The following PRKN variants were observed in gnomAD, a reference collection of about 807,000 sequenced individuals.
PRKN encodes parkin RBR E3 ubiquitin protein ligase.
A neutral mutation model predicts 59.5 loss-of-function variants in PRKN; 56 were observed. The observed-to-expected ratio is 0.94, with a 90% CI of 0.76 to 1.18. PRKN has a LOEUF of 1.18. Ranked by LOEUF, PRKN falls within the 50% of genes most tolerant of loss-of-function variation. PRKN has a pLI of 0.00. For missense variants in PRKN, 657 were observed against 596.4 expected (o/e 1.10, Z -1.06); for synonymous variants, 250 against 222.1 (o/e 1.13, Z -1.12).
intron 9 of PRKN, among the ~76,000 whole-genome samples, chr6:161,392,567 C>T (rs1378529116): frequency 6.6e-6 from 1 of 150,734 alleles, no homozygotes. Flanking sequence ...TCCAGGTAGC[C>T]ATATGGCAAA....
chr6:162,719,829 G>A (rs1778863077), intron 1 of PRKN, among the ~76,000 whole-genome samples: 1 of 148,654 alleles, frequency 6.7e-6, no homozygotes, highest in Non-Finnish European at 1.5e-5. Flanking sequence ...CAGCTTCTGA[G>A]AAAATCAAGG....
At chr6:162,260,585 A>G (rs889021003) in intron 3 of PRKN, among the ~76,000 whole-genome samples, 1 of 152,166 alleles carries the variant, frequency 6.6e-6, no homozygotes, top group Non-Finnish European at 1.5e-5. Flanking sequence ...TCATTCTCAT[A>G]AAAGAAAATT....
At chr6:162,178,267 C>G (rs552674036) in intron 4 of PRKN, among the ~76,000 whole-genome samples, 3 of 152,316 alleles carry the variant, frequency 2.0e-5, no homozygotes, top group African/African-American at 4.8e-5. Flanking sequence ...AGGACTTTCA[C>G]AGAAACAGTT....
intron 3 of PRKN, among the ~76,000 whole-genome samples, chr6:162,223,184 G>C (rs1426591983): frequency 6.6e-6 from 1 of 151,994 alleles, no homozygotes; most frequent in Non-Finnish European, 1.5e-5. Flanking sequence ...CAAAGGACAT[G>C]AACTCATCAT....
chr6:162,152,043 A>C (rs1782294566), intron 4 of PRKN, among the ~76,000 whole-genome samples: 1 of 152,222 alleles, frequency 6.6e-6, no homozygotes, highest in Non-Finnish European at 1.5e-5. Context: ...TAAGGGTCCC[A>C]CATGAGCTTC....
intron 4 of PRKN, among the ~76,000 whole-genome samples, chr6:162,170,000 C>G (rs957352913): frequency 6.6e-6 from 1 of 152,140 alleles, no homozygotes; most frequent in Admixed American, 6.5e-5. Context: ...ATGATTTTAT[C>G]GCATGACTGC....
chr6:161,428,406 C>T lies in PRKN; in HGVS notation c.1084-41529G>A, dbSNP rs141424675. Among the ~76,000 whole-genome samples, 9 of 152,242 alleles carry T rather than the reference C, an allele frequency of 5.9e-5. No individual in the cohort carries two copies. The highest frequency in any genetic ancestry group is 3.9e-4 in the East Asian group (2 of 5,170). ...AGAGTGCAGACAGAAGCCTGCCATC[C>T]GCCGGAGTCTGTGAGCTTCAGGGTC... On this transcript the variant is annotated intron_variant, in intron 9 of 11. Transcript: ENST00000366898. The surrounding 1 kb of genome is among the most constrained non-coding windows in gnomAD (Gnocchi z 4.0).
intron 5 of PRKN, among the ~76,000 whole-genome samples, chr6:162,015,948 C>T (rs1782918493): frequency 6.6e-6 from 1 of 152,058 alleles, no homozygotes; most frequent in Non-Finnish European, 1.5e-5. Context: ...GAAACAGAAC[C>T]TTTGTACAAT....
At chr6:162,657,300 T>A (rs1448741032) in intron 1 of PRKN, among the ~76,000 whole-genome samples, 1 of 152,226 alleles carries the variant, frequency 6.6e-6, no homozygotes, top group Non-Finnish European at 1.5e-5. Flanking sequence ...ATTCATTTGA[T>A]ACTATTGCAT....
chr6:161,738,230 A>C (rs1373182437), intron 7 of PRKN, among the ~76,000 whole-genome samples: 1 of 152,188 alleles, frequency 6.6e-6, no homozygotes, highest in Non-Finnish European at 1.5e-5. Context: ...TTATTACTGA[A>C]TTGGTGTCTT....
At chr6:161,364,170 A>G (rs1268702726) in intron 10 of PRKN, among the ~76,000 whole-genome samples, 37 of 67,542 alleles carry the variant, frequency 5.5e-4, no homozygotes, top group African/African-American at 2.9e-3. Context: ...CTCCGTCTCA[A>G]AAAAAAAAAA....
Position 161,376,326 on chromosome 6 carries a change from C to T in PRKN, c.1167+10468G>A, listed in dbSNP as rs1170722109. On this transcript the variant is annotated intron_variant, in intron 10 of 11. Coordinates refer to ENST00000366898, the MANE Select transcript of PRKN (RefSeq NM_004562.3). This position sits in a 1 kb window ranked among gnomAD's most constrained non-coding sequence, Gnocchi z 7.3. ...TGGTCTAGGCATCCACTCCTTTCCCCACTGAACCCCTAGCTGAGATGTCCA... is the reference window on the plus strand; with the variant it reads ...TGGTCTAGGCATCCACTCCTTTCCCTACTGAACCCCTAGCTGAGATGTCCA... 6.6e-6 allele frequency among the ~76,000 whole-genome samples: 1 copy of T among 152,204 alleles called. No individual in the cohort carries two copies. The highest frequency in any genetic ancestry group is 1.5e-5 in the Non-Finnish European group (1 of 68,038).
chr6:162,201,115 C>T lies in PRKN; in HGVS notation c.534+16G>A, dbSNP rs1339372106. ...CATTTTCCTGGCAGTCTCATGCTGA[C>T]ACTGCATTTCCTTACCTGGGTCAAG... On this transcript the variant is annotated intron_variant, in intron 4 of 11. Transcript: ENST00000366898. The T allele has an allele frequency of 2.5e-6, 4 of 1,613,310 alleles. No individual in the cohort carries two copies. The highest frequency in any genetic ancestry group is 1.1e-5 in the South Asian group (1 of 91,070).
intron 9 of PRKN, among the ~76,000 whole-genome samples, chr6:161,392,230 C>CA (rs200298473): frequency 0.072 from 10,859 of 151,400 alleles, 461 homozygotes; most frequent in Non-Finnish European, 0.081. Flanking sequence ...ACCACCAATA[C>CA]AAAAATTAGC....
chr6:162,627,393 G>A (rs1782937300), intron 1 of PRKN, among the ~76,000 whole-genome samples: 1 of 152,194 alleles, frequency 6.6e-6, no homozygotes, highest in Non-Finnish European at 1.5e-5. Flanking sequence ...AAATGATTTT[G>A]TATAGAAATT....
chr6:162,558,497 T>C (rs928502417), intron 1 of PRKN, among the ~76,000 whole-genome samples: 2 of 151,898 alleles, frequency 1.3e-5, no homozygotes, highest in African/African-American at 4.8e-5. Flanking sequence ...ACCTGGCTAA[T>C]TTTGTATTTT....
intron 7 of PRKN, among the ~76,000 whole-genome samples, chr6:161,717,111 A>G (rs1480355803): frequency 6.6e-6 from 1 of 152,208 alleles, no homozygotes; most frequent in Non-Finnish European, 1.5e-5. Flanking sequence ...AACACACAGG[A>G]TGTGTTAGTC....
intron 1 of PRKN, among the ~76,000 whole-genome samples, chr6:162,570,781 T>C (rs1461000764): frequency 1.3e-5 from 2 of 151,904 alleles, no homozygotes; most frequent in African/African-American, 2.4e-5. Flanking sequence ...CCCATGGACA[T>C]AGAGAGTAGG....
At chr6:162,294,709 TAAG>T (rs1198200152) in intron 2 of PRKN, among the ~76,000 whole-genome samples, 1 of 151,076 alleles carries the variant, frequency 6.6e-6, no homozygotes, top group African/African-American at 2.4e-5. Context: ...TGAAGAAGAT[TAAG>T]AAGAGAATAA....
Sources: gnomAD v4.1 joint callset for allele counts (sites outside exome capture counted in the v4.1 genomes callset) on GRCh38, gnomAD v4.1.1 for gene constraint, Gnocchi (gnomAD v3.1) non-coding constraint, MANE v1.5 for transcripts, NCBI Gene and HGNC (gene_info 2026-07-23, HGNC 2026-07-21) for gene names.